Variants in DMD observed in about 807,000 individuals in gnomAD.
DMD encodes dystrophin.
DMD carries 63 observed loss-of-function variants against 330.1 expected under a neutral mutation model. The ratio of observed to expected loss-of-function variants is 0.19; its 90% confidence interval spans 0.16 to 0.24. DMD has a LOEUF of 0.24. DMD is among the 10% of genes least tolerant of loss of function. DMD has a pLI of 1.00. For synonymous variants in DMD, 1,223 were observed against 959.8 expected (o/e 1.27, Z -5.07); for missense variants, 3,344 against 2,684.1 (o/e 1.25, Z -5.43).
chrX:32,538,869 T>C (rs1226792111), intron 17 of DMD, among the ~76,000 whole-genome samples: 1 of 105,668 alleles, frequency 9.5e-6, no homozygotes, highest in Non-Finnish European at 2.0e-5. Context: ...TCACCGAGAG[T>C]GCTTGTAAAA....
intron 1 of DMD, among the ~76,000 whole-genome samples, chrX:33,124,484 A>AC (rs1471421896): frequency 6.3e-5 from 6 of 94,771 alleles, no homozygotes; most frequent in African/African-American, 2.7e-4. Context: ...CTGAAAAAAA[A>AC]AAAAAAAAAA....
intron 51 of DMD, among the ~76,000 whole-genome samples, chrX:31,733,915 T>C (rs1379099374): frequency 5.4e-5 from 6 of 111,568 alleles, no homozygotes; most frequent in Non-Finnish European, 1.9e-5. Context: ...TACTTCTTTT[T>C]TGAATGTTCT....
chrX:32,433,221 GTT>G (rs900950844), intron 29 of DMD, among the ~76,000 whole-genome samples: 2 of 111,990 alleles, frequency 1.8e-5, no homozygotes, highest in African/African-American at 3.2e-5. Flanking sequence ...TATTAGCAGA[GTT>G]TTTATTTTTA....
chrX:33,235,325 A>G (rs1160833214), intron 1 of DMD, among the ~76,000 whole-genome samples: 1 of 111,890 alleles, frequency 8.9e-6, no homozygotes, highest in African/African-American at 3.3e-5. Flanking sequence ...CCTTCAGGGA[A>G]ATTCCACCCC....
chrX:32,021,492 G>A (rs1241826749), intron 44 of DMD, among the ~76,000 whole-genome samples: 1 of 111,795 alleles, frequency 8.9e-6, no homozygotes, highest in African/African-American at 3.2e-5. Context: ...AATACTGATG[G>A]TGTTCTTCTT....
chrX:32,801,508 T>C (rs2076564124), intron 7 of DMD, among the ~76,000 whole-genome samples: 1 of 112,135 alleles, frequency 8.9e-6, no homozygotes, highest in South Asian at 3.7e-4. Flanking sequence ...GCAGGAGCTA[T>C]TTAGTAAGAT....
intron 1 of DMD, among the ~76,000 whole-genome samples, chrX:33,101,043 TAGTG>T (rs1294976717): frequency 6.2e-5 from 7 of 112,127 alleles, no homozygotes; most frequent in Non-Finnish European, 1.9e-5. Context: ...GAAGAGCAGT[TAGTG>T]AGGATAATTT....
At chrX:31,797,794 A>G (rs1284514607) in intron 50 of DMD, among the ~76,000 whole-genome samples, 1 of 111,354 alleles carries the variant, frequency 9.0e-6, no homozygotes, top group Non-Finnish European at 1.9e-5. Flanking sequence ...AAAATGAAAG[A>G]CTGGAACAAA....
intron 52 of DMD, among the ~76,000 whole-genome samples, chrX:31,683,708 T>A (rs1429941541): frequency 9.0e-6 from 1 of 111,395 alleles, no homozygotes; most frequent in Non-Finnish European, 1.9e-5. Context: ...AATGAAAGAC[T>A]AGAGAAGGAG....
chrX:32,526,119 T>G (rs2046909793), intron 17 of DMD, among the ~76,000 whole-genome samples: 1 of 111,743 alleles, frequency 8.9e-6, no homozygotes, highest in Admixed American at 9.5e-5. Flanking sequence ...AACTCTGTAC[T>G]TAACGTACTT....
At chrX:31,272,089 C>G (rs112011635) in intron 62 of DMD, among the ~76,000 whole-genome samples, 3 of 111,572 alleles carry the variant, frequency 2.7e-5, no homozygotes, top group African/African-American at 9.8e-5. Flanking sequence ...TGTGAGCCAG[C>G]TGCCATCTAA....
chrX:32,008,665 A>T (rs1427813228), intron 44 of DMD, among the ~76,000 whole-genome samples: 1 of 111,918 alleles, frequency 8.9e-6, no homozygotes, highest in Non-Finnish European at 1.9e-5. Flanking sequence ...TTAAGTCTCA[A>T]AAATGCTGCA....
intron 2 of DMD, among the ~76,000 whole-genome samples, chrX:32,922,657 AG>A (rs771630317): frequency 5.3e-5 from 6 of 112,513 alleles, no homozygotes; most frequent in Non-Finnish European, 1.1e-4. Context: ...CTTATCTGAC[AG>A]GAGGCAGAGC....
At chrX:31,506,687 A>G (rs183306359) in intron 56 of DMD, among the ~76,000 whole-genome samples, 13 of 112,341 alleles carry the variant, frequency 1.2e-4, no homozygotes, top group Middle Eastern at 4.6e-3. Flanking sequence ...GGGGCAAAAT[A>G]TAAAGTATGT....
At chrX:31,172,253 A>T in intron 73 of DMD, 95 bp downstream of exon 73, 1 of 629,002 alleles carries the variant, frequency 1.6e-6, no homozygotes. Context: ...AATGAATATG[A>T]TGCTAATTCC....
intron 2 of DMD, among the ~76,000 whole-genome samples, chrX:32,995,183 A>G (rs756795577): frequency 4.3e-4 from 48 of 112,764 alleles, no homozygotes; most frequent in African/African-American, 1.5e-3. Flanking sequence ...TTGACACTTA[A>G]TAAAGGCTAG....
intron 12 of DMD, among the ~76,000 whole-genome samples, chrX:32,598,549 A>G (rs1259419090): frequency 8.9e-6 from 1 of 112,114 alleles, no homozygotes; most frequent in Admixed American, 9.5e-5. Context: ...ATTACAAGTA[A>G]ATAATGCCAG....
chrX:32,773,023 CTT>C (rs2073789349), intron 7 of DMD, among the ~76,000 whole-genome samples: 2 of 111,760 alleles, frequency 1.8e-5, no homozygotes, highest in Admixed American at 9.5e-5. Context: ...GTGTAAAACT[CTT>C]AAGTATCCTT....
chrX:31,554,392 G>A (rs1157883061), intron 55 of DMD, among the ~76,000 whole-genome samples: 1 of 110,975 alleles, frequency 9.0e-6, no homozygotes, highest in Non-Finnish European at 1.9e-5. Flanking sequence ...TTCCTTATAG[G>A]TCACCTCTAA....
Sources: allele counts gnomAD v4.1 joint callset (sites outside exome capture counted in the v4.1 genomes callset), GRCh38; gene constraint gnomAD v4.1.1; transcripts MANE v1.5; gene names NCBI Gene and HGNC (gene_info 2026-07-23, HGNC 2026-07-21).